Variants in MGMT observed in about 807,000 individuals in gnomAD.
MGMT encodes methylated-DNA--protein-cysteine methyltransferase.
MGMT carries 14 observed loss-of-function variants against 15.9 expected under a neutral mutation model. That is an observed-to-expected ratio of 0.88 (90% CI 0.58 to 1.37). The LOEUF (loss-of-function observed/expected upper bound fraction) is 1.37, where lower values mean the gene tolerates loss of function less well. Ranked by LOEUF, MGMT falls within the 40% of genes most tolerant of loss-of-function variation. The pLI, the probability that MGMT is intolerant of heterozygous loss-of-function variation, is 0.00. For synonymous variants in MGMT, 130 were observed against 118.2 expected, an observed-to-expected ratio of 1.10 and a Z score of -0.65; for missense variants, 282 against 268.1, an observed-to-expected ratio of 1.05 and a Z score of -0.36.
At chr10:129,540,898 A>G (rs1178755698) in intron 2 of MGMT, among the ~76,000 whole-genome samples, 3 of 152,210 alleles carry the variant, frequency 2.0e-5, no homozygotes, top group Non-Finnish European at 2.9e-5. Flanking sequence ...ACCTGGAGCC[A>G]TCTGTGCTCT....
At chr10:129,569,247 G>A (rs1028035351) in intron 2 of MGMT, among the ~76,000 whole-genome samples, 42 of 152,110 alleles carry the variant, frequency 2.8e-4, no homozygotes, top group African/African-American at 9.7e-4. Flanking sequence ...CGGCTCCGGC[G>A]CACAGATGCT....
intron 2 of MGMT, among the ~76,000 whole-genome samples, chr10:129,683,196 C>T (rs867170859): frequency 2.6e-5 from 4 of 152,186 alleles, no homozygotes; most frequent in Non-Finnish European, 4.4e-5. Context: ...CAGGGAATGG[C>T]GTTGGCTTTG....
At chr10:129,594,163 T>C (rs557861607) in intron 2 of MGMT, among the ~76,000 whole-genome samples, 1 of 152,180 alleles carries the variant, frequency 6.6e-6, no homozygotes, top group Non-Finnish European at 1.5e-5. Context: ...GGCTGATGCA[T>C]GAGGCTAGAA....
At chr10:129,637,324 G>A (rs1235989220) in intron 2 of MGMT, among the ~76,000 whole-genome samples, 2 of 151,192 alleles carry the variant, frequency 1.3e-5, no homozygotes, top group Non-Finnish European at 3.0e-5. Flanking sequence ...CAAAGCCAAG[G>A]CCCTCTTGTG....
intron 2 of MGMT, among the ~76,000 whole-genome samples, chr10:129,635,823 A>G (rs941248716): frequency 6.6e-6 from 1 of 152,184 alleles, no homozygotes; most frequent in Non-Finnish European, 1.5e-5. Context: ...CCCTCTTACA[A>G]GCTGGTACGG....
intron 2 of MGMT, among the ~76,000 whole-genome samples, chr10:129,703,589 C>A (rs1017473501): frequency 3.3e-5 from 5 of 152,126 alleles, no homozygotes; most frequent in African/African-American, 1.2e-4. Context: ...CCTCGCCAAC[C>A]AATCCCACAT....
At chr10:129,511,510 T>G (rs61859851) in intron 1 of MGMT, among the ~76,000 whole-genome samples, 23,526 of 152,172 alleles carry the variant, frequency 0.15, 2,543 homozygotes, top group African/African-American at 0.3. Flanking sequence ...GAAACATCTT[T>G]GAATATGCCA....
intron 2 of MGMT, among the ~76,000 whole-genome samples, chr10:129,649,206 T>C (rs1258696324): frequency 6.6e-6 from 1 of 152,196 alleles, no homozygotes; most frequent in East Asian, 1.9e-4. Flanking sequence ...TCGGCTGTTA[T>C]CTGTTTGAGT....
intron 2 of MGMT, among the ~76,000 whole-genome samples, chr10:129,631,076 C>T (rs1007048141): frequency 1.5e-4 from 23 of 151,972 alleles, no homozygotes; most frequent in African/African-American, 5.1e-4. Flanking sequence ...ATTTGCTGCT[C>T]GTGTTTCCCA....
At chr10:129,684,704 GA>G (rs1847887005) in intron 2 of MGMT, among the ~76,000 whole-genome samples, 1 of 152,220 alleles carries the variant, frequency 6.6e-6, no homozygotes, top group African/African-American at 2.4e-5. Flanking sequence ...ACATCCACAG[GA>G]AAGGAGGTTC....
intron 1 of MGMT, among the ~76,000 whole-genome samples, chr10:129,468,722 TA>T (rs1845198490): frequency 6.6e-6 from 1 of 152,036 alleles, no homozygotes; most frequent in East Asian, 1.9e-4. Context: ...CAGTTTCTAC[TA>T]AAAACACAAA....
At chr10:129,722,231 GTATTCTATT>G (rs1848380581) in intron 3 of MGMT, among the ~76,000 whole-genome samples, 1 of 152,048 alleles carries the variant, frequency 6.6e-6, no homozygotes, top group African/African-American at 2.4e-5. Context: ...AACATAAAAT[GTATTCTATT>G]TTTATATAAT....
rs1055684471 is a variant in MGMT at position 129,734,793 on chromosome 10, G to A, written c.275-24409G>A. ...GAAGGGTTGTTGAATTTTGTCAAAG[G>A]CCTTTTCTGCATCTATTGAGATAAT... is the stretch of plus-strand genomic sequence containing the variant. On this transcript the variant is annotated intron_variant, in intron 3 of 4. Transcript: ENST00000651593. 7.3e-4 allele frequency among the ~76,000 whole-genome samples: 111 copies of A among 152,200 alleles called. 1 individual carries two copies. Among genetic ancestry groups the A allele is most frequent in the African/African-American group, 2.5e-3 (104 of 41,512 alleles).
intron 1 of MGMT, among the ~76,000 whole-genome samples, chr10:129,494,029 T>C (rs1168020538): frequency 2.0e-5 from 3 of 152,232 alleles, no homozygotes; most frequent in East Asian, 1.9e-4. Flanking sequence ...TGTAAAGATA[T>C]AACCTTCTTC....
At chr10:129,666,960 C>T (rs751262531) in intron 2 of MGMT, among the ~76,000 whole-genome samples, 11 of 152,194 alleles carry the variant, frequency 7.2e-5, no homozygotes, top group Middle Eastern at 3.2e-3. Context: ...GAAGGCTTCC[C>T]AGCCTTACAT....
At chr10:129,739,769 G>T (rs1025179599) in intron 3 of MGMT, among the ~76,000 whole-genome samples, 3 of 152,132 alleles carry the variant, frequency 2.0e-5, no homozygotes, top group African/African-American at 7.2e-5. Flanking sequence ...CACATTATGA[G>T]TTTTTTTATG....
At chr10:129,642,788 C>T (rs1057197132) in intron 2 of MGMT, among the ~76,000 whole-genome samples, 15 of 152,084 alleles carry the variant, frequency 9.9e-5, no homozygotes, top group South Asian at 4.1e-4. Context: ...TCAAAGGGGC[C>T]GGGTATTGTG....
At chr10:129,748,206 T>C (rs1175909099) in intron 3 of MGMT, among the ~76,000 whole-genome samples, 1 of 152,186 alleles carries the variant, frequency 6.6e-6, no homozygotes. Flanking sequence ...GGAGAGTTCT[T>C]CTCCCTCACC....
chr10:129,670,020 T>C (rs1847704249), intron 2 of MGMT, among the ~76,000 whole-genome samples: 1 of 152,194 alleles, frequency 6.6e-6, no homozygotes, highest in South Asian at 2.1e-4. Context: ...TTACTACCTC[T>C]GCTAAGTCAT....
Sources: allele counts gnomAD v4.1 joint callset (sites outside exome capture counted in the v4.1 genomes callset), GRCh38; gene constraint gnomAD v4.1.1; transcripts MANE v1.5; gene names NCBI Gene and HGNC (gene_info 2026-07-23, HGNC 2026-07-21).